UTP6: variants seen among roughly 807,000 people sequenced by gnomAD.
The protein encoded by UTP6 is U3 small nucleolar RNA-associated protein 6 homolog.
A neutral mutation model predicts 96.5 loss-of-function variants in UTP6; 60 were observed. The observed-to-expected ratio is 0.62, with a 90% CI of 0.51 to 0.77. UTP6 has a LOEUF of 0.77. UTP6 is among the 30% of genes least tolerant of loss of function. The pLI is 0.00. For synonymous variants in UTP6, 215 were observed against 240.1 expected (o/e 0.90, Z 0.96); for missense variants, 637 against 706.5 (o/e 0.90, Z 1.12).
Position 31,878,792 on chromosome 17 carries a change from C to A in UTP6, c.968-11G>T. On this transcript the variant is annotated splice_polypyrimidine_tract_variant and intron_variant, in intron 11 of 18. Transcript: ENST00000261708. Reference sequence around the variant, plus strand: ...ACTTCCACATGGCCTCTGGAAAAGTCAGAAAGATTGTGTTGATCAGATCAC... The same window carrying A: ...ACTTCCACATGGCCTCTGGAAAAGTAAGAAAGATTGTGTTGATCAGATCAC... The A allele has an allele frequency of 6.2e-7, 1 of 1,613,376 alleles. No homozygotes were observed. The highest frequency in any genetic ancestry group is 8.5e-7 in the Non-Finnish European group (1 of 1,179,536).
At chr17:31,871,006 T>C (rs550606140) in intron 16 of UTP6, among the ~76,000 whole-genome samples, 13 of 99,044 alleles carry the variant, frequency 1.3e-4, no homozygotes, top group African/African-American at 3.7e-4. Flanking sequence ...TTTTTTTTTT[T>C]TGAGATGGAG....
At chr17:31,883,316 AT>A (rs764591553) in intron 10 of UTP6, among the ~76,000 whole-genome samples, 671 of 142,172 alleles carry the variant, frequency 4.7e-3, no homozygotes, top group African/African-American at 8.0e-3. Flanking sequence ...TAAGCTTTAG[AT>A]TTTTTTTTTT....
At position 31,873,447 on chromosome 17, in the gene UTP6, A is replaced by T. The variant is rs1340054753; in HGVS notation, c.1427T>A (p.Leu476Gln). 6.2e-7 allele frequency: 1 copy of T among 1,614,192 alleles called. No homozygotes were observed. The highest frequency in any genetic ancestry group is 8.5e-7 in the Non-Finnish European group (1 of 1,180,038). The change falls in exon 16 of 19, where the codon CTG becomes CAG. Residue 476 changes from leucine (L) to glutamine (Q), a missense_variant. Coordinates refer to ENST00000261708, the MANE Select transcript of UTP6 (RefSeq NM_018428.3). The stretch of plus-strand genomic sequence containing the variant: ...AGCCCAATCCAGGTACTTATTCTTC[A>T]GGGTTACTGAGTCGGCACCTATGAC... Reference protein sequence around the residue: ...LAVIGADSVTLKNKYLDWAYR... With the variant: ...LAVIGADSVTQKNKYLDWAYR...
chr17:31,887,428 G>A, intron 7 of UTP6, 115 bp from the exon 8 acceptor site: 1 of 767,722 alleles, frequency 1.3e-6, no homozygotes. Flanking sequence ...GCTCATTTCG[G>A]CCATGAATTC....
At chr17:31,871,043 G>A (rs1407387555) in intron 16 of UTP6, among the ~76,000 whole-genome samples, 3 of 140,100 alleles carry the variant, frequency 2.1e-5, no homozygotes, top group Non-Finnish European at 4.5e-5. Flanking sequence ...AGGCTGGAAT[G>A]CAGTGGCGCG....
chr17:31,878,770 T>A lies in UTP6; in HGVS notation c.979A>T (p.Lys327Ter). The A allele has an allele frequency of 6.2e-7, 1 of 1,614,164 alleles. No individual in the cohort carries two copies. Among genetic ancestry groups the A allele is most frequent in the Non-Finnish European group, 8.5e-7 (1 of 1,180,024 alleles). The stretch of plus-strand genomic sequence containing the variant: ...TCCAAGCAAAAGGTGATGTAACACT[T>A]CCACATGGCCTCTGGAAAAGTCAGA... ...VKTLPTEAMW[K>*]CYITFCLERF... The change falls in exon 12 of 19, where the codon AAG (lysine) becomes TAG (stop). Residue 327 changes from lysine (K) to a stop codon, truncating the protein, a stop_gained. Coordinates refer to ENST00000261708, the MANE Select transcript of UTP6 (RefSeq NM_018428.3). LOFTEE classifies it high-confidence loss of function.
chr17:31,899,853 A>G, intron 1 of UTP6, 123 bp from the exon 2 acceptor site: 1 of 746,534 alleles, frequency 1.3e-6, no homozygotes, highest in Non-Finnish European at 2.0e-6. Flanking sequence ...CTTTCATAAG[A>G]AAGTATTATC....
chr17:31,887,600 C>G, intron 7 of UTP6: 1 of 249,990 alleles, frequency 4.0e-6, no homozygotes, highest in Non-Finnish European at 7.7e-6. Flanking sequence ...GATCCTCCTG[C>G]CTCAGCCTCC....
intron 6 of UTP6, among the ~76,000 whole-genome samples, chr17:31,890,374 G>C (rs1911418223): frequency 6.6e-6 from 1 of 151,936 alleles, no homozygotes; most frequent in Non-Finnish European, 1.5e-5. Flanking sequence ...CCAGCACTTT[G>C]GGAGGCCGAG....
chr17:31,876,838 C>A (rs1410483476), intron 13 of UTP6, among the ~76,000 whole-genome samples: 1 of 151,796 alleles, frequency 6.6e-6, no homozygotes, highest in East Asian at 1.9e-4. Flanking sequence ...ATGGTGAAAC[C>A]TTGTTTCTAC....
chr17:31,873,891 A>G lies in UTP6; in HGVS notation c.1306-138T>C, dbSNP rs998192001. ...AGTTTAGTCCTATGCTCTGAAAACT[A>G]GTTAAAAAGGCAGGTTCCTCCTAAG... On this transcript the variant is annotated intron_variant, in intron 14 of 18. Coordinates refer to ENST00000261708, the MANE Select transcript of UTP6 (RefSeq NM_018428.3). 4 of 916,320 alleles carry G rather than the reference A, an allele frequency of 4.4e-6. No homozygotes were observed. The South Asian group carries it at 5.9e-5, about 14-fold the overall frequency. The allele number at this position is 916,320 out of a possible 1,614,324, so 56.8% of individuals were successfully genotyped here.
In UTP6 at chr17:31,880,531, T is replaced by C. The variant is rs191391825; in HGVS notation, c.967+42A>G. ...GGAGCTTAAGTTTCACAATCAGGGA[T>C]ACTATTCCTTCTATATCACACCATG... is the stretch of plus-strand genomic sequence containing the variant. On this transcript the variant is annotated intron_variant, in intron 11 of 18. Coordinates refer to ENST00000261708, the MANE Select transcript of UTP6 (RefSeq NM_018428.3). The C allele has an allele frequency of 6.2e-6, 10 of 1,612,116 alleles. No individual in the cohort carries two copies. In the African/African-American group the frequency reaches 6.7e-5, roughly 11 times the overall value.
chr17:31,868,325 G>GT (rs33960994), intron 16 of UTP6, among the ~76,000 whole-genome samples: 3,589 of 90,496 alleles, frequency 0.04, 139 homozygotes, highest in Middle Eastern at 0.061. Context: ...TAGTTTTTTG[G>GT]TTTTTTTTTT....
chr17:31,870,603 G>A (rs1598096199), intron 16 of UTP6, among the ~76,000 whole-genome samples: 1 of 149,826 alleles, frequency 6.7e-6, no homozygotes, highest in Non-Finnish European at 1.5e-5. Context: ...CTCACTGCAA[G>A]CTCCGCCTCC....
chr17:31,888,327 T>C (rs935595384), intron 7 of UTP6: 1 of 152,198 alleles, frequency 6.6e-6, no homozygotes, highest in Non-Finnish European at 1.5e-5. Flanking sequence ...TAGAGTCTAG[T>C]TCCCTATTCC....
At chr17:31,872,340 CCCA>C (rs1354279754) in intron 16 of UTP6, among the ~76,000 whole-genome samples, 5 of 151,648 alleles carry the variant, frequency 3.3e-5, no homozygotes, top group Non-Finnish European at 7.4e-5. Context: ...TATGTTTTCC[CCCA>C]CCACAATGAA....
intron 16 of UTP6, among the ~76,000 whole-genome samples, chr17:31,869,659 T>C (rs1419854597): frequency 6.6e-6 from 1 of 152,112 alleles, no homozygotes; most frequent in Non-Finnish European, 1.5e-5. Context: ...CCATCAGCCA[T>C]GTATTGTTTT....
chr17:31,869,023 A>G (rs1300587143), intron 16 of UTP6, among the ~76,000 whole-genome samples: 3 of 152,162 alleles, frequency 2.0e-5, no homozygotes, highest in African/African-American at 7.2e-5. Flanking sequence ...AGGCAGGAGA[A>G]TCACTTGAAC....
At position 31,861,180 on chromosome 17, in the gene UTP6, AG is replaced by A. The variant is rs1490957138; in HGVS notation, c.*2178del. On this transcript the variant is annotated 3_prime_UTR_variant, in exon 19 of 19. Transcript: ENST00000261708. Reference sequence around the variant, plus strand: ...TTTGAACCTAGGAGGCAGAGGTTGCAGTAAGACCACACCACTGCACTCCAGC... The same window carrying A: ...TTTGAACCTAGGAGGCAGAGGTTGCATAAGACCACACCACTGCACTCCAGC... The A allele has an allele frequency of 6.6e-6, 1 of 151,950 alleles. No homozygotes were observed. Among genetic ancestry groups the A allele is most frequent in the Non-Finnish European group, 1.5e-5 (1 of 68,012 alleles). The allele number at this position is 151,950 out of a possible 1,614,324, so 9.4% of individuals were successfully genotyped here. A position where few individuals can be genotyped will look rare whatever the true frequency, so the allele number is the denominator to read the frequency against.
Sources: gnomAD v4.1 joint callset for allele counts (sites outside exome capture counted in the v4.1 genomes callset) on GRCh38, gnomAD v4.1.1 for gene constraint, MANE v1.5 for transcripts, NCBI Gene and HGNC (gene_info 2026-07-23, HGNC 2026-07-21) for gene names.